The following AATF variants were observed in gnomAD, a reference collection of about 807,000 sequenced individuals.
AATF encodes the protein apoptosis antagonizing transcription factor, also known as protein AATF.
Under a neutral mutation model 63.7 loss-of-function variants are expected in AATF, and 48 were observed. The ratio of observed to expected loss-of-function variants is 0.75; its 90% CI spans 0.60 to 0.96. The LOEUF is 0.96. Among genes scored for constraint, AATF ranks in the 40% least tolerant of loss-of-function variants. The pLI is 0.00. For synonymous variants in AATF, 258 were observed against 247.7 expected, an observed-to-expected ratio of 1.04 and a Z score of -0.39; for missense variants, 639 against 685.7, an observed-to-expected ratio of 0.93 and a Z score of 0.76.
At chr17:37,000,197 G>A (rs999291605) in intron 8 of AATF, among the ~76,000 whole-genome samples, 1 of 152,202 alleles carries the variant, frequency 6.6e-6, no homozygotes, top group Admixed American at 6.5e-5. Flanking sequence ...TTAAACTAGG[G>A]TGGTTTTGGA....
chr17:36,968,270 C>CTTTTTTTTTTTTTTTTTTTTT (rs3049638), intron 4 of AATF, among the ~76,000 whole-genome samples: 6 of 23,790 alleles, frequency 2.5e-4, no homozygotes, highest in Admixed American at 6.8e-4. Context: ...TTCCTTCTTT[C>CTTTTTTTTTTTTTTTTTTTTT]TTTTTTTTTT....
intron 11 of AATF, among the ~76,000 whole-genome samples, chr17:37,051,729 C>CAT (rs987654336): frequency 6.6e-6 from 1 of 151,616 alleles, no homozygotes. Context: ...CACACACACA[C>CAT]GCACATTCTG....
intron 4 of AATF, among the ~76,000 whole-genome samples, chr17:36,957,980 C>T (rs896921007): frequency 6.6e-6 from 1 of 152,064 alleles, no homozygotes; most frequent in African/African-American, 2.4e-5. Flanking sequence ...AAACTTAGTC[C>T]CCAGTCACCT....
chr17:36,999,645 A>G (rs1453304804), intron 8 of AATF, among the ~76,000 whole-genome samples: 1 of 152,212 alleles, frequency 6.6e-6, no homozygotes, highest in South Asian at 2.1e-4. Context: ...CATTGTGACA[A>G]ATGCAGTAGA....
At chr17:36,991,779 G>T (rs945130058) in intron 8 of AATF, among the ~76,000 whole-genome samples, 2 of 152,016 alleles carry the variant, frequency 1.3e-5, no homozygotes, top group Admixed American at 6.6e-5. Flanking sequence ...TAGAGACGGG[G>T]TTTCACCGTG....
chr17:36,953,347 G>A (rs748502693), intron 3 of AATF, 51 bp downstream of exon 3: 3 of 1,572,472 alleles, frequency 1.9e-6, no homozygotes, highest in Non-Finnish European at 2.6e-6. Flanking sequence ...TCTGCATTTG[G>A]TCTACTTTTC....
intron 8 of AATF, among the ~76,000 whole-genome samples, chr17:37,002,165 G>A (rs942139674): frequency 1.4e-5 from 2 of 141,532 alleles, no homozygotes; most frequent in Non-Finnish European, 3.0e-5. Context: ...TAGCACCACT[G>A]CACTCCAGTC....
Position 36,949,017 on chromosome 17 carries a change from C to T in AATF, c.-109C>T, listed in dbSNP as rs1021590134. On this transcript the variant is annotated 5_prime_UTR_variant, in exon 1 of 12. Transcript: ENST00000619387. Reference sequence around the variant, plus strand: ...GCCTCCGCGCGGTCTCTGGCGGAGTCGGGGAATCGGATCAAGGCGAGAGGA... The same window carrying T: ...GCCTCCGCGCGGTCTCTGGCGGAGTTGGGGAATCGGATCAAGGCGAGAGGA... 4.7e-6 allele frequency: 5 copies of T among 1,071,352 alleles called. No homozygotes were observed. The highest frequency in any genetic ancestry group is 3.2e-5 in the African/African-American group (2 of 62,536). 66.4% of individuals were successfully genotyped at this position (1,071,352 alleles called of 1,614,324 possible).
chr17:36,950,961 G>A (rs1036853213), intron 2 of AATF, among the ~76,000 whole-genome samples: 1 of 152,164 alleles, frequency 6.6e-6, no homozygotes, highest in Admixed American at 6.5e-5. Flanking sequence ...TGTGACCCCT[G>A]ACCTTTGGTT....
chr17:36,962,668 G>A (rs1448049764), intron 4 of AATF, among the ~76,000 whole-genome samples: 1 of 151,948 alleles, frequency 6.6e-6, no homozygotes, highest in East Asian at 1.9e-4. Flanking sequence ...TAATGAGTTA[G>A]ATAAGAAAGT....
intron 11 of AATF, among the ~76,000 whole-genome samples, chr17:37,039,550 G>A (rs867280474): frequency 1.4e-4 from 22 of 152,192 alleles, no homozygotes; most frequent in African/African-American, 5.3e-4. Flanking sequence ...GATTGACATA[G>A]TTTATAATTT....
intron 8 of AATF, among the ~76,000 whole-genome samples, chr17:37,010,731 T>C (rs1488210505): frequency 6.6e-6 from 1 of 152,008 alleles, no homozygotes; most frequent in Non-Finnish European, 1.5e-5. Flanking sequence ...ATTTAACAAA[T>C]GAGTAGAGGA....
intron 11 of AATF, chr17:37,056,030 T>G (rs2071795390): frequency 6.6e-6 from 1 of 152,384 alleles, no homozygotes; most frequent in African/African-American, 2.4e-5. Context: ...ATTGTTTTAA[T>G]GTCAAAACCC....
intron 8 of AATF, among the ~76,000 whole-genome samples, chr17:37,009,925 A>G (rs551455614): frequency 6.6e-5 from 10 of 151,762 alleles, no homozygotes; most frequent in Non-Finnish European, 1.5e-4. Flanking sequence ...GACATGTGAG[A>G]AGGAGAATAT....
intron 4 of AATF, among the ~76,000 whole-genome samples, chr17:36,969,518 G>A (rs1252725362): frequency 6.6e-6 from 1 of 152,172 alleles, no homozygotes; most frequent in East Asian, 1.9e-4. Context: ...GCTGGGCACT[G>A]CCAGTTCCTG....
intron 4 of AATF, among the ~76,000 whole-genome samples, 153 bp from the exon 5 acceptor site, chr17:36,986,464 A>G (rs1360402857): frequency 6.6e-6 from 1 of 152,192 alleles, no homozygotes; most frequent in Admixed American, 6.5e-5. Context: ...CCATTTGGGA[A>G]TATTTCAGAG....
intron 4 of AATF, among the ~76,000 whole-genome samples, chr17:36,957,191 T>C (rs1329471567): frequency 6.6e-6 from 1 of 152,222 alleles, no homozygotes; most frequent in Non-Finnish European, 1.5e-5. Flanking sequence ...TTAGATTTCA[T>C]CTCAGCAATG....
chr17:37,048,339 C>T (rs1264879483), intron 11 of AATF, among the ~76,000 whole-genome samples: 4 of 125,954 alleles, frequency 3.2e-5, no homozygotes, highest in Admixed American at 8.0e-5. Flanking sequence ...ATCCAGCCTT[C>T]TTGGGGAGCT....
intron 10 of AATF, among the ~76,000 whole-genome samples, chr17:37,024,436 T>G (rs1463332379): frequency 6.6e-6 from 1 of 152,258 alleles, no homozygotes; most frequent in African/African-American, 2.4e-5. Flanking sequence ...CTAATTGGTC[T>G]GATTCCAGAG....
Sources: gnomAD v4.1 joint callset for allele counts (sites outside exome capture counted in the v4.1 genomes callset) on GRCh38, gnomAD v4.1.1 for gene constraint, MANE v1.5 for transcripts, NCBI Gene and HGNC (gene_info 2026-07-23, HGNC 2026-07-21) for gene names.